The following AGAP1 variants were observed in gnomAD, a reference collection of about 807,000 sequenced individuals.
AGAP1 encodes the protein arf-GAP with GTPase, ANK repeat and PH domain-containing protein 1.
Under a neutral mutation model 105.3 loss-of-function variants are expected in AGAP1, and 29 were observed. The observed-to-expected ratio is 0.28, with a 90% CI of 0.21 to 0.38. AGAP1 has a LOEUF of 0.38. Ranked by LOEUF, AGAP1 falls within the 10% of genes least tolerant of loss-of-function variation. The pLI is 1.00. For missense variants in AGAP1, 998 were observed against 1,165.1 expected (o/e 0.86, Z 2.09); for synonymous variants, 509 against 485.9 (o/e 1.05, Z -0.63).
chr2:235,536,695 C>T (rs2149086200), intron 1 of AGAP1, among the ~76,000 whole-genome samples: 1 of 151,836 alleles, frequency 6.6e-6, no homozygotes, highest in East Asian at 1.9e-4. Flanking sequence ...CTTATGTCCT[C>T]CACCCGTCCC....
intron 11 of AGAP1, among the ~76,000 whole-genome samples, chr2:235,914,120 CTAT>C (rs1373208285): frequency 2.0e-5 from 3 of 152,036 alleles, no homozygotes; most frequent in Non-Finnish European, 4.4e-5. Flanking sequence ...TTTGTGTTTT[CTAT>C]TATTCAGCCA....
chr2:236,061,186 G>A lies in AGAP1; in HGVS notation c.2114+11905G>A, dbSNP rs756576215. On this transcript the variant is annotated intron_variant, in intron 16 of 17. Coordinates refer to ENST00000304032, the MANE Select transcript of AGAP1 (RefSeq NM_001037131.3). This position sits in a 1 kb window ranked among gnomAD's most constrained non-coding sequence, Gnocchi z 4.1. ...TAATGTCATTACTTTTTAGGGAAATGCAGATCACCCTTGAGCCCCCACCGC... is the reference window on the plus strand; with the variant it reads ...TAATGTCATTACTTTTTAGGGAAATACAGATCACCCTTGAGCCCCCACCGC... Among the ~76,000 whole-genome samples the A allele has an allele frequency of 9.9e-5, 15 of 152,166 alleles. No homozygotes were observed. Among genetic ancestry groups the A allele is most frequent in the Non-Finnish European group, 2.1e-4 (14 of 68,026 alleles).
chr2:235,592,600 T>C (rs1259718855), intron 1 of AGAP1, among the ~76,000 whole-genome samples: 5 of 152,070 alleles, frequency 3.3e-5, no homozygotes, highest in Non-Finnish European at 5.9e-5. Context: ...TTTGAGCAGA[T>C]TCCAAGCTGG....
At chr2:235,518,699 CACAA>C (rs1403957305) in intron 1 of AGAP1, among the ~76,000 whole-genome samples, 2 of 152,112 alleles carry the variant, frequency 1.3e-5, no homozygotes, top group Non-Finnish European at 2.9e-5. Context: ...TCCACCTGCA[CACAA>C]ACAAAAAAAA....
chr2:236,097,564 T>C (rs1220657713), intron 16 of AGAP1, among the ~76,000 whole-genome samples: 1 of 151,890 alleles, frequency 6.6e-6, no homozygotes, highest in East Asian at 1.9e-4. Context: ...AGCTAAGTTT[T>C]TGTATTTTAG....
At chr2:235,591,336 A>G (rs377414914) in intron 1 of AGAP1, among the ~76,000 whole-genome samples, 3 of 152,270 alleles carry the variant, frequency 2.0e-5, no homozygotes, top group African/African-American at 7.2e-5. Context: ...AGTTATGTAA[A>G]CAGCAACGGG....
At position 235,508,426 on chromosome 2, in the gene AGAP1, C is replaced by A. The variant is rs149888625; in HGVS notation, c.163+13577C>A. ...CTCTCCGCAGTTCGCAGCTCTCCTGCAGATCTCGGTTTGTGATTTGAAACT... is the reference window on the plus strand; with the variant it reads ...CTCTCCGCAGTTCGCAGCTCTCCTGAAGATCTCGGTTTGTGATTTGAAACT... On this transcript the variant is annotated intron_variant, in intron 1 of 17. Transcript: ENST00000304032. Among the ~76,000 whole-genome samples, 485 of 152,326 alleles carry A rather than the reference C, an allele frequency of 3.2e-3. 2 individuals are homozygous for A. Among genetic ancestry groups the A allele is most frequent in the African/African-American group, 0.011 (464 of 41,572 alleles).
At chr2:235,648,708 CAA>C (rs200700617) in intron 1 of AGAP1, among the ~76,000 whole-genome samples, 6,273 of 131,524 alleles carry the variant, frequency 0.048, 422 homozygotes, top group African/African-American at 0.15. Flanking sequence ...CCCATCTCTA[CAA>C]AAAAAAAAAA....
intron 1 of AGAP1, among the ~76,000 whole-genome samples, chr2:235,704,965 TTTTC>T (rs1559373786): frequency 1.8e-5 from 1 of 55,694 alleles, no homozygotes; most frequent in African/African-American, 1.1e-4. Flanking sequence ...CAAGATGCTT[TTTTC>T]TTTTTTTTTT....
In AGAP1 at chr2:235,930,624, G is replaced by A. The variant is rs542869055; in HGVS notation, c.1325-141G>A. 16 of 778,064 alleles carry A rather than the reference G, an allele frequency of 2.1e-5. No individual in the cohort carries two copies. The highest frequency in any genetic ancestry group is 1.1e-4 in the East Asian group (4 of 36,254). 48.2% of individuals were successfully genotyped at this position (778,064 alleles called of 1,614,324 possible). On this transcript the variant is annotated intron_variant, in intron 11 of 17. Transcript: ENST00000304032. This position sits in a 1 kb window ranked among gnomAD's most constrained non-coding sequence, Gnocchi z 7.9. ...CGAATAGTTTCTGTCTGGCGCTTCC[G>A]TTTGCCATGCAGGCAGGACAGGGGC...
In AGAP1 at chr2:235,763,449, G is replaced by A. The variant is rs568995326; in HGVS notation, c.673+12961G>A. 7.2e-5 allele frequency among the ~76,000 whole-genome samples: 11 copies of A among 152,322 alleles called. No homozygotes were observed. In the South Asian group the frequency reaches 2.3e-3, roughly 32 times the overall value. On this transcript the variant is annotated intron_variant, in intron 6 of 17. Coordinates refer to ENST00000304032, the MANE Select transcript of AGAP1 (RefSeq NM_001037131.3). ...AGCTTTTGGACCCAGTCTCCAATTA[G>A]ACATTTGGTTGGTTTTTTATCCCTC...
intron 1 of AGAP1, among the ~76,000 whole-genome samples, chr2:235,617,223 C>A (rs1401398208): frequency 6.6e-6 from 1 of 152,148 alleles, no homozygotes; most frequent in Non-Finnish European, 1.5e-5. Flanking sequence ...TAATAACTTT[C>A]AAAAACTAGG....
At chr2:235,915,092 G>A (rs1332903309) in intron 11 of AGAP1, among the ~76,000 whole-genome samples, 2 of 152,052 alleles carry the variant, frequency 1.3e-5, no homozygotes, top group African/African-American at 2.4e-5. Flanking sequence ...AATGAAACCC[G>A]CCAGTCATTA....
intron 8 of AGAP1, among the ~76,000 whole-genome samples, chr2:235,803,418 G>A (rs918476407): frequency 3.3e-5 from 5 of 152,158 alleles, no homozygotes; most frequent in African/African-American, 1.2e-4. Context: ...GCAGTTGTTG[G>A]TGATTATAGG....
At chr2:235,944,058 CAT>C (rs1342570680) in intron 12 of AGAP1, among the ~76,000 whole-genome samples, 3 of 152,248 alleles carry the variant, frequency 2.0e-5, no homozygotes, top group South Asian at 2.1e-4. Context: ...ACATTTTAAA[CAT>C]ATTTAGTTAT....
At chr2:235,674,775 C>G (rs547515890) in intron 1 of AGAP1, among the ~76,000 whole-genome samples, 5 of 150,908 alleles carry the variant, frequency 3.3e-5, no homozygotes, top group Non-Finnish European at 7.4e-5. Flanking sequence ...TGCAACCTCC[C>G]CCTCCCAGGT....
At position 235,732,301 on chromosome 2, in the gene AGAP1, C is replaced by T. The variant is rs189743490; in HGVS notation, c.311-8662C>T. On this transcript the variant is annotated intron_variant, in intron 3 of 17. Coordinates refer to ENST00000304032, the MANE Select transcript of AGAP1 (RefSeq NM_001037131.3). This position sits in a 1 kb window ranked among gnomAD's most constrained non-coding sequence, Gnocchi z 4.8. ...TTGACTGTGTCTGTTTCAAGCCATTCCTCTGTGTCAGAAACTCAGCTTTCA... is the reference window on the plus strand; with the variant it reads ...TTGACTGTGTCTGTTTCAAGCCATTTCTCTGTGTCAGAAACTCAGCTTTCA... 1.3e-5 allele frequency among the ~76,000 whole-genome samples: 2 copies of T among 152,314 alleles called. No homozygotes were observed. The highest frequency in any genetic ancestry group is 1.3e-4 in the Admixed American group (2 of 15,292).
rs1433274705 is a variant in AGAP1, at chr2:235,586,069, A to C, written c.163+91220A>C. On this transcript the variant is annotated intron_variant, in intron 1 of 17. Coordinates refer to ENST00000304032, the MANE Select transcript of AGAP1 (RefSeq NM_001037131.3). This position sits in a 1 kb window ranked among gnomAD's most constrained non-coding sequence, Gnocchi z 4.2. ...AGTGGGAAGGGGATTTAGGAGCTTC[A>C]TGAGCGAGTCAAATGCAAGTTGGGG... Among the ~76,000 whole-genome samples, 1 of 152,194 alleles carries C rather than the reference A, an allele frequency of 6.6e-6. No individual in the cohort carries two copies. Among genetic ancestry groups the C allele is most frequent in the African/African-American group, 2.4e-5 (1 of 41,460 alleles).
chr2:235,558,100 C>CCG (rs1944029221), intron 1 of AGAP1, among the ~76,000 whole-genome samples: 1 of 152,156 alleles, frequency 6.6e-6, no homozygotes, highest in Non-Finnish European at 1.5e-5. Flanking sequence ...AGGAGGCTGG[C>CCG]GGCCTTCCCT....
Sources: gnomAD v4.1 joint callset for allele counts (sites outside exome capture counted in the v4.1 genomes callset) on GRCh38, gnomAD v4.1.1 for gene constraint, Gnocchi (gnomAD v3.1) non-coding constraint, MANE v1.5 for transcripts, NCBI Gene and HGNC (gene_info 2026-07-23, HGNC 2026-07-21) for gene names.